CLIC3: variants seen among roughly 807,000 people sequenced by gnomAD.
CLIC3 encodes the protein CLIC family member 3, also known as chloride intracellular channel protein 3.
In CLIC3, 29 loss-of-function variants were observed where a neutral mutation model predicts 19.9. The ratio of observed to expected loss-of-function variants is 1.46; its 90% CI spans 1.09 to 1.99. The LOEUF is 1.99. Ranked by LOEUF, CLIC3 falls within the 30% of genes most tolerant of loss-of-function variation. CLIC3 has a pLI of 0.00. For synonymous variants in CLIC3, 143 were observed against 156.4 expected (o/e 0.91, Z 0.64); for missense variants, 365 against 342.6 (o/e 1.07, Z -0.52).
Position 136,995,725 on chromosome 9 carries a change from G to T in CLIC3, c.66C>A (p.Cys22Ter), listed in dbSNP as rs760444643. The T allele has an allele frequency of 2.5e-6, 4 of 1,597,914 alleles. No individual in the cohort carries two copies. In the Admixed American group the frequency reaches 7.0e-5, roughly 28 times the overall value. ...CCATGAAGAGCCGCTGGCAGGAGGG[G>T]CAGTGACCCACGCTCTCCCCGTCCT... ...ASEDGESVGH[C>*]PSCQRLFMVL... Residue 22 changes from cysteine (C) to a stop codon, truncating the protein, a stop_gained, in exon 2 of 6, where the codon TGC (cysteine) becomes TGA (stop). Transcript: ENST00000494426. LOFTEE classifies it high-confidence loss of function.
rs565889561 is a variant in CLIC3 at position 136,994,649 on chromosome 9, C to A, written c.*32G>T. On this transcript the variant is annotated 3_prime_UTR_variant, in exon 6 of 6. Transcript: ENST00000494426. The stretch of plus-strand genomic sequence containing the variant: ...GACACCCTCACTCCCGACAAAGATG[C>A]CTTTATTGGGCGACAGACGCGGGGT... 1.3e-6 allele frequency: 2 copies of A among 1,591,350 alleles called. No individual in the cohort carries two copies. The highest frequency in any genetic ancestry group is 1.7e-6 in the Non-Finnish European group (2 of 1,168,680).
chr9:136,995,902 G>C (rs1180530495), intron 1 of CLIC3, 145 bp from the exon 2 acceptor site: 22 of 612,118 alleles, frequency 3.6e-5, no homozygotes, highest in Non-Finnish European at 3.5e-5. Context: ...ACTTCCAAGT[G>C]CCCAGTGAGG....
At position 136,995,500 on chromosome 9, in the gene CLIC3, C is replaced by A. The variant is rs1262647814; in HGVS notation, c.211G>T (p.Ala71Ser). 6.2e-7 allele frequency: 1 copy of A among 1,612,634 alleles called. No homozygotes were observed. Among genetic ancestry groups the A allele is most frequent in the Middle Eastern group, 1.6e-4 (1 of 6,062 alleles). ...TCGATCTGCAGCGTGTCTGTCTTGG[C>A]GTCGCTGTCATAGAGCAGGATGGGC... ...QLPILLYDSD[A>S]KTDTLQIEDF... The change falls in exon 3 of 6, where the codon GCC becomes TCC. Residue 71 changes from alanine to serine, a missense_variant. Coordinates refer to ENST00000494426, the MANE Select transcript of CLIC3 (RefSeq NM_004669.3).
intron 3 of CLIC3, 29 bp from the exon 4 acceptor site, chr9:136,995,321 A>T: frequency 3.1e-6 from 5 of 1,609,194 alleles, no homozygotes; most frequent in Non-Finnish European, 4.2e-6. Context: ...GGACTCCATT[A>T]GACTGGGGGC....
intron 1 of CLIC3, among the ~76,000 whole-genome samples, chr9:136,996,309 C>T (rs1363182538): frequency 2.0e-5 from 3 of 152,192 alleles, no homozygotes; most frequent in Non-Finnish European, 2.9e-5. Context: ...GGAGCAGGAC[C>T]AGGGCCACTG....
rs1280901795 is a variant in CLIC3, at chr9:136,995,043, C to T, written c.439G>A (p.Glu147Lys). 3 of 1,516,054 alleles carry T rather than the reference C, an allele frequency of 2.0e-6. No homozygotes were observed. The highest frequency in any genetic ancestry group is 2.1e-5 in the Admixed American group (1 of 48,492). 93.9% of individuals were successfully genotyped at this position (1,516,054 alleles called of 1,614,324 possible). Residue 147 changes from glutamate to lysine, a missense_variant, in exon 5 of 6, where the codon GAG becomes AAG. Glu to Lys is a moderately conservative substitution (Grantham distance 56). Coordinates refer to ENST00000494426, the MANE Select transcript of CLIC3 (RefSeq NM_004669.3). Reference protein sequence around the residue: ...RLDSYLRAPLEHELAGEPQLR... With the variant: ...RLDSYLRAPLKHELAGEPQLR... Reference sequence around the variant, plus strand: ...TGCGGCTCCCCCGCCAGCTCGTGCTCCAGGGGCGCGCGCAGGTAGCTGTCC... The same window carrying T: ...TGCGGCTCCCCCGCCAGCTCGTGCTTCAGGGGCGCGCGCAGGTAGCTGTCC...
At position 136,995,107 on chromosome 9, in the gene CLIC3, TA is replaced by T. The variant is rs774038737; in HGVS notation, c.377-3del. ...CGCGCAGCAGCTGCTGGTACAGGGC[TA>T]GGGGGCAGGCGGCGCGGTGAGGACC... On this transcript the variant is annotated splice_polypyrimidine_tract_variant and splice_region_variant and intron_variant, in intron 4 of 5. Coordinates refer to ENST00000494426, the MANE Select transcript of CLIC3 (RefSeq NM_004669.3). 6.1e-4 allele frequency: 957 copies of T among 1,557,638 alleles called. 2 individuals are homozygous for T. The highest frequency in any genetic ancestry group is 1.7e-3 in the Middle Eastern group (9 of 5,168).
intron 1 of CLIC3, 25 bp downstream of exon 1, chr9:136,996,485 TC>T: frequency 6.4e-7 from 1 of 1,550,966 alleles, no homozygotes; most frequent in Non-Finnish European, 8.7e-7. Context: ...CCAGACACCC[TC>T]CCCGCAGCTG....
At chr9:136,995,326 G>A (rs1453784428) in intron 3 of CLIC3, 34 bp from the exon 4 acceptor site, 1 of 1,608,236 alleles carries the variant, frequency 6.2e-7, no homozygotes, top group Non-Finnish European at 8.5e-7. Context: ...CCATTAGACT[G>A]GGGGCAGCCC....
intron 5 of CLIC3, 33 bp downstream of exon 5, chr9:136,994,897 T>TCCCCCC: frequency 2.7e-6 from 4 of 1,471,170 alleles, no homozygotes; most frequent in Non-Finnish European, 3.6e-6. Flanking sequence ...CGCGCCGCGG[T>TCCCCCC]CACCCTCCCG....
Position 136,995,125 on chromosome 9 carries a change from G to A in CLIC3, c.377-20C>T. 3 of 1,575,436 alleles carry A rather than the reference G, an allele frequency of 1.9e-6. No individual in the cohort carries two copies. Among genetic ancestry groups the A allele is most frequent in the Non-Finnish European group, 2.6e-6 (3 of 1,161,102 alleles). On this transcript the variant is annotated intron_variant, in intron 4 of 5. Transcript: ENST00000494426. ...ACAGGGCTAGGGGGCAGGCGGCGCG[G>A]TGAGGACCAGGCCCAGGGCGCCCTC...
chr9:136,995,332 A>G lies in CLIC3; in HGVS notation c.270-40T>C, dbSNP rs1830686484. ...GGTGGGACTCCATTAGACTGGGGGCAGCCCCGTCCCGGCCCCACAGTACCC... is the reference window on the plus strand; with the variant it reads ...GGTGGGACTCCATTAGACTGGGGGCGGCCCCGTCCCGGCCCCACAGTACCC... On this transcript the variant is annotated intron_variant, in intron 3 of 5. Transcript: ENST00000494426. The G allele has an allele frequency of 3.1e-6, 5 of 1,608,024 alleles. No individual in the cohort carries two copies. The South Asian group carries it at 4.4e-5, about 14-fold the overall frequency.
chr9:136,995,872 G>A, intron 1 of CLIC3, 115 bp from the exon 2 acceptor site: 5 of 708,694 alleles, frequency 7.1e-6, no homozygotes, highest in Non-Finnish European at 1.2e-5. Flanking sequence ...GGACGCCAGG[G>A]CTCCAGCTTG....
At chr9:136,995,942 A>C (rs1258671618) in intron 1 of CLIC3, among the ~76,000 whole-genome samples, 185 bp from the exon 2 acceptor site, 1 of 152,002 alleles carries the variant, frequency 6.6e-6, no homozygotes, top group Non-Finnish European at 1.5e-5. Context: ...GAACGTGGGG[A>C]GGGGGGCAGA....
intron 5 of CLIC3, 40 bp downstream of exon 5, chr9:136,994,890 G>C: frequency 6.8e-7 from 1 of 1,476,244 alleles, no homozygotes. Flanking sequence ...CCCCAGGCGC[G>C]CCGCGGTCAC....
rs1479811395 is a variant in CLIC3 at position 136,994,984 on chromosome 9, G to A, written c.498C>T (p.Gly166=). 1.7e-5 allele frequency: 25 copies of A among 1,505,600 alleles called. No homozygotes were observed. Among genetic ancestry groups the A allele is most frequent in the Admixed American group, 6.4e-5 (3 of 47,114 alleles). 93.3% of individuals were successfully genotyped at this position (1,505,600 alleles called of 1,614,324 possible). Reference sequence around the variant, plus strand: ...TGCAGTCGGCCAGCGTGAGCCTGTCGCCGTCCAGGAAGCGGCGGCGGGACT... The same window carrying A: ...TGCAGTCGGCCAGCGTGAGCCTGTCACCGTCCAGGAAGCGGCGGCGGGACT... ...LRESRRRFLD[G]DRLTLADCSL... The change falls in exon 5 of 6, where the codon GGC becomes GGT. Residue 166 remains glycine, a synonymous_variant. Transcript: ENST00000494426.
At position 136,995,119 on chromosome 9, in the gene CLIC3, G is replaced by A. The variant is rs746929670; in HGVS notation, c.377-14C>T. 2.1e-5 allele frequency: 33 copies of A among 1,567,422 alleles called. 1 individual carries two copies. Among genetic ancestry groups the A allele is most frequent in the Non-Finnish European group, 2.8e-5 (32 of 1,156,896 alleles). On this transcript the variant is annotated splice_polypyrimidine_tract_variant and intron_variant, in intron 4 of 5. Transcript: ENST00000494426. Reference sequence around the variant, plus strand: ...GCTGGTACAGGGCTAGGGGGCAGGCGGCGCGGTGAGGACCAGGCCCAGGGC... The same window carrying A: ...GCTGGTACAGGGCTAGGGGGCAGGCAGCGCGGTGAGGACCAGGCCCAGGGC...
At position 136,995,298 on chromosome 9, in the gene CLIC3, G is replaced by A. The variant is rs528170519; in HGVS notation, c.270-6C>T. On this transcript the variant is annotated splice_polypyrimidine_tract_variant and splice_region_variant and intron_variant, in intron 3 of 5. Transcript: ENST00000494426. ...GAGGCGCCAGGCTGGGGAAGCTGCG[G>A]GATGAGGGGGTGGGACTCCATTAGA... The A allele has an allele frequency of 6.2e-7, 1 of 1,611,712 alleles. No homozygotes were observed. Among genetic ancestry groups the A allele is most frequent in the Non-Finnish European group, 8.5e-7 (1 of 1,179,140 alleles).
At position 136,994,698 on chromosome 9, in the gene CLIC3, CG is replaced by C; in HGVS notation, c.693del (p.Ala232ProfsTer26). The C allele has an allele frequency of 6.2e-7, 1 of 1,609,176 alleles. No individual in the cohort carries two copies. Among genetic ancestry groups the C allele is most frequent in the South Asian group, 1.1e-5 (1 of 90,648 alleles). ...GTGGGGCGCTAGCGGGGGTGCACGG[CG>C]GGCCGGTAGGCCGCCAGGATCTCGG... ...HSAEILAAYRPAVHPR is the reference protein window; with the variant it reads ...HSAEILAAYRXAVHPR On this transcript the variant is annotated frameshift_variant, in exon 6 of 6. Coordinates refer to ENST00000494426, the MANE Select transcript of CLIC3 (RefSeq NM_004669.3). LOFTEE classifies it high-confidence loss of function.
Sources: gnomAD v4.1 joint callset for allele counts (sites outside exome capture counted in the v4.1 genomes callset) on GRCh38, gnomAD v4.1.1 for gene constraint, MANE v1.5 for transcripts, NCBI Gene and HGNC (gene_info 2026-07-23, HGNC 2026-07-21) for gene names.